EPHA6: variants seen among roughly 807,000 people sequenced by gnomAD.
EPHA6 encodes ephrin type-A receptor 6.
A neutral mutation model predicts 112.0 loss-of-function variants in EPHA6; 50 were observed. The observed-to-expected ratio is 0.45, with a 90% CI of 0.36 to 0.56. The LOEUF is 0.56. Among genes scored for constraint, EPHA6 ranks in the 20% least tolerant of loss-of-function variants. The pLI is 0.00. For missense variants in EPHA6, 1,280 were observed against 1,417.4 expected (o/e 0.90, Z 1.56); for synonymous variants, 529 against 490.7 (o/e 1.08, Z -1.03).
rs1016323505 is a variant in EPHA6 at position 97,750,515 on chromosome 3, C to A, written c.*1814C>A. Among the ~76,000 whole-genome samples the A allele has an allele frequency of 6.6e-6, 1 of 151,990 alleles. No individual in the cohort carries two copies. Among genetic ancestry groups the A allele is most frequent in the Non-Finnish European group, 1.5e-5 (1 of 68,002 alleles). ...GGGATTACAGGCGCCTGCCACCACT[C>A]CCGGCTAATTTTTGTATTTTTAGTA... On this transcript the variant is annotated 3_prime_UTR_variant, in exon 18 of 18. Transcript: ENST00000389672.
intron 3 of EPHA6, among the ~76,000 whole-genome samples, chr3:97,050,552 TGATAAACTAAAATG>T (rs1425806765): frequency 6.6e-6 from 1 of 152,170 alleles, no homozygotes; most frequent in African/African-American, 2.4e-5. Context: ...TTAAAAATAC[TGATAAACTAAAATG>T]GAGGGCTGCC....
chr3:97,584,205 C>T (rs2093467569), intron 11 of EPHA6, among the ~76,000 whole-genome samples: 1 of 152,110 alleles, frequency 6.6e-6, no homozygotes, highest in South Asian at 2.1e-4. Context: ...TTTAATTCAA[C>T]TCAATAAATA....
At position 97,115,607 on chromosome 3, in the gene EPHA6, A is replaced by T. The variant is rs550835345; in HGVS notation, c.1115-110657A>T. Among the ~76,000 whole-genome samples the T allele has an allele frequency of 3.9e-5, 6 of 151,902 alleles. No homozygotes were observed. In the East Asian group the frequency reaches 1.2e-3, roughly 29 times the overall value. Reference sequence around the variant, plus strand: ...TGGAGGCTTCAGCTCCAATAATTGAAATGGATGAGAATGCCCAGAGCAAGA... The same window carrying T: ...TGGAGGCTTCAGCTCCAATAATTGATATGGATGAGAATGCCCAGAGCAAGA... On this transcript the variant is annotated intron_variant, in intron 3 of 17. Transcript: ENST00000389672.
At chr3:97,287,542 G>A (rs2108678591) in intron 5 of EPHA6, among the ~76,000 whole-genome samples, 1 of 151,970 alleles carries the variant, frequency 6.6e-6, no homozygotes, top group East Asian at 1.9e-4. Flanking sequence ...AATGGCCTTT[G>A]GGCCTACATC....
At chr3:97,435,949 C>T (rs2089810631) in intron 6 of EPHA6, among the ~76,000 whole-genome samples, 1 of 152,166 alleles carries the variant, frequency 6.6e-6, no homozygotes, top group Non-Finnish European at 1.5e-5. Flanking sequence ...CTTATTAGAA[C>T]TACAAAAACC....
intron 2 of EPHA6, among the ~76,000 whole-genome samples, chr3:96,908,687 G>T (rs1424846515): frequency 1.3e-5 from 2 of 151,900 alleles, no homozygotes; most frequent in Non-Finnish European, 2.9e-5. Flanking sequence ...GCAACTGAGT[G>T]GGGGAGTTGT....
At chr3:97,237,158 G>A (rs771212244) in intron 4 of EPHA6, among the ~76,000 whole-genome samples, 15 of 150,442 alleles carry the variant, frequency 1.0e-4, no homozygotes, top group Admixed American at 6.7e-5. Flanking sequence ...AAATTGCAAC[G>A]ACAGTTTGTT....
intron 3 of EPHA6, among the ~76,000 whole-genome samples, chr3:97,176,620 G>C (rs1319874505): frequency 6.6e-6 from 1 of 151,778 alleles, no homozygotes; most frequent in African/African-American, 2.4e-5. Context: ...GTTCGATCTT[G>C]GTAGGTTGCG....
chr3:97,010,942 G>C (rs183290393), intron 3 of EPHA6, among the ~76,000 whole-genome samples: 13 of 152,312 alleles, frequency 8.5e-5, no homozygotes, highest in Admixed American at 8.5e-4. Flanking sequence ...ATCTGAGAGA[G>C]ATTGTTAGTA....
At position 97,145,812 on chromosome 3, in the gene EPHA6, G is replaced by A. The variant is rs567646858; in HGVS notation, c.1115-80452G>A. ...TTTTACAAAGTGTTTTGGGTGCAAC[G>A]TGTAGCTTAAGAGATAGCAAAATGC... On this transcript the variant is annotated intron_variant, in intron 3 of 17. Coordinates refer to ENST00000389672, the MANE Select transcript of EPHA6 (RefSeq NM_001080448.3). 3.2e-4 allele frequency among the ~76,000 whole-genome samples: 49 copies of A among 151,502 alleles called. 1 individual carries two copies. Among genetic ancestry groups the A allele is most frequent in the African/African-American group, 8.9e-4 (37 of 41,430 alleles).
rs749770952 is a variant in EPHA6, at chr3:97,592,573, A to G, written c.2387-39A>G. On this transcript the variant is annotated intron_variant, in intron 11 of 17. Coordinates refer to ENST00000389672, the MANE Select transcript of EPHA6 (RefSeq NM_001080448.3). ...GTAAATGATCAATGCTTTTCCATAA[A>G]GAAGACTTTGATTAATGTCAATTTT... 29 of 1,610,352 alleles carry G rather than the reference A, an allele frequency of 1.8e-5. No homozygotes were observed. The South Asian group carries it at 2.8e-4, about 15-fold the overall frequency.
At chr3:96,830,685 ATATG>A (rs1196492550) in intron 1 of EPHA6, among the ~76,000 whole-genome samples, 2 of 152,058 alleles carry the variant, frequency 1.3e-5, no homozygotes, top group Non-Finnish European at 2.9e-5. Flanking sequence ...AGTCTTGAAA[ATATG>A]TAAGCACATT....
intron 7 of EPHA6, among the ~76,000 whole-genome samples, chr3:97,464,570 G>A (rs985794848): frequency 2.6e-5 from 4 of 152,014 alleles, no homozygotes; most frequent in African/African-American, 9.7e-5. Context: ...ATTGTCCTTA[G>A]GAAGCAGATT....
chr3:97,645,208 A>T (rs2094047965), intron 14 of EPHA6, among the ~76,000 whole-genome samples: 1 of 150,524 alleles, frequency 6.6e-6, no homozygotes, highest in African/African-American at 2.4e-5. Flanking sequence ...ATAAAGACAC[A>T]TGCACACGTA....
intron 14 of EPHA6, among the ~76,000 whole-genome samples, chr3:97,701,321 G>A (rs1027402685): frequency 2.6e-5 from 4 of 152,016 alleles, no homozygotes; most frequent in African/African-American, 9.7e-5. Flanking sequence ...GAGATAGTAG[G>A]GGTCCCAAAG....
chr3:97,614,398 G>A (rs1450490309), intron 13 of EPHA6, among the ~76,000 whole-genome samples: 5 of 146,200 alleles, frequency 3.4e-5, no homozygotes, highest in East Asian at 4.0e-4. Flanking sequence ...GTAGTGGCAC[G>A]ATCTTGGCTC....
chr3:97,642,588 T>A (rs2107579295), intron 14 of EPHA6, among the ~76,000 whole-genome samples: 1 of 151,748 alleles, frequency 6.6e-6, no homozygotes, highest in Non-Finnish European at 1.5e-5. Flanking sequence ...TACAGAGAAG[T>A]GCTTAAAGGA....
chr3:96,985,322 A>G (rs535910494), intron 2 of EPHA6, among the ~76,000 whole-genome samples: 75 of 152,166 alleles, frequency 4.9e-4, no homozygotes, highest in Non-Finnish European at 9.3e-4. Context: ...CAAAATAAAA[A>G]TCATCATTGG....
chr3:97,219,449 G>T (rs991463596), intron 3 of EPHA6, among the ~76,000 whole-genome samples: 1 of 152,272 alleles, frequency 6.6e-6, no homozygotes, highest in East Asian at 1.9e-4. Context: ...CTCAGTTCTT[G>T]TCTTCTGTGC....
Sources: gnomAD v4.1 joint callset for allele counts (sites outside exome capture counted in the v4.1 genomes callset) on GRCh38, gnomAD v4.1.1 for gene constraint, MANE v1.5 for transcripts, NCBI Gene and HGNC (gene_info 2026-07-23, HGNC 2026-07-21) for gene names.